SKIL: variants seen among roughly 807,000 people sequenced by gnomAD.
SKIL encodes the protein SKI like proto-oncogene.
A neutral mutation model predicts 69.6 loss-of-function variants in SKIL; 20 were observed. That is an observed-to-expected ratio of 0.29 (90% CI 0.20 to 0.42). The LOEUF is 0.42. Ranked by LOEUF, SKIL falls within the 10% of genes least tolerant of loss-of-function variation. The pLI, the probability that SKIL is intolerant of heterozygous loss-of-function variation, is 1.00. For synonymous variants in SKIL, 310 were observed against 279.9 expected, an observed-to-expected ratio of 1.11 and a Z score of -1.08; for missense variants, 745 against 783.1, an observed-to-expected ratio of 0.95 and a Z score of 0.58.
At chr3:170,376,910 A>C (rs924792724) in intron 2 of SKIL, among the ~76,000 whole-genome samples, 1 of 152,106 alleles carries the variant, frequency 6.6e-6, no homozygotes, top group African/African-American at 2.4e-5. Context: ...TAATTACCAT[A>C]CTTTGTTGAA....
chr3:170,390,564 G>T (rs981910150), intron 5 of SKIL, 100 bp downstream of exon 5: 4 of 884,242 alleles, frequency 4.5e-6, no homozygotes, highest in Admixed American at 2.4e-5. Flanking sequence ...TCAGCTCACT[G>T]AAACCTCCAC....
chr3:170,386,923 A>G (rs894050461), intron 4 of SKIL, among the ~76,000 whole-genome samples: 3 of 152,198 alleles, frequency 2.0e-5, no homozygotes, highest in African/African-American at 7.2e-5. Flanking sequence ...ATATACCATA[A>G]AATTTACCCT....
rs1329251744 is a variant in SKIL at position 170,392,521 on chromosome 3, T to C, written c.*104T>C. ...AAGAATTTATCTGCATGACGATAAC[T>C]AGGCATTCTATCCATTTGTAGATCA... On this transcript the variant is annotated 3_prime_UTR_variant, in exon 7 of 7. Coordinates refer to ENST00000259119, the MANE Select transcript of SKIL (RefSeq NM_005414.5). The C allele has an allele frequency of 6.4e-6, 4 of 626,096 alleles. No individual in the cohort carries two copies. The highest frequency in any genetic ancestry group is 1.1e-5 in the Non-Finnish European group (4 of 368,446). 38.8% of individuals were successfully genotyped at this position (626,096 alleles called of 1,614,324 possible).
intron 2 of SKIL, among the ~76,000 whole-genome samples, chr3:170,379,359 G>A (rs561059585): frequency 2.0e-5 from 3 of 152,006 alleles, no homozygotes; most frequent in East Asian, 3.9e-4. Context: ...GTTCCTAATC[G>A]CATTCTCCCT....
rs763766901 is a variant in SKIL at position 170,384,623 on chromosome 3, G to A, written c.1287G>A (p.Glu429=). The A allele has an allele frequency of 1.2e-6, 2 of 1,612,906 alleles. No homozygotes were observed. The highest frequency in any genetic ancestry group is 1.7e-5 in the Admixed American group (1 of 59,982). ...VSQSKELTKT[E]ASKSISRQSE... ...AGTCTAAAGAGCTCACAAAGACAGAGGCAAGTAAGTCCATATCAAGACAGT... is the reference window on the plus strand; with the variant it reads ...AGTCTAAAGAGCTCACAAAGACAGAAGCAAGTAAGTCCATATCAAGACAGT... The change falls in exon 4 of 7, where the codon GAG becomes GAA. Residue 429 remains glutamate (E), a synonymous_variant. Coordinates refer to ENST00000259119, the MANE Select transcript of SKIL (RefSeq NM_005414.5).
chr3:170,388,633 A>T (rs1319620496), intron 4 of SKIL, among the ~76,000 whole-genome samples: 3 of 151,888 alleles, frequency 2.0e-5, no homozygotes, highest in African/African-American at 7.3e-5. Flanking sequence ...GGGTTTTGCC[A>T]TGTTGAGGCT....
chr3:170,363,924 A>G (rs1301640925), intron 2 of SKIL, among the ~76,000 whole-genome samples: 1 of 151,936 alleles, frequency 6.6e-6, no homozygotes, highest in Non-Finnish European at 1.5e-5. Flanking sequence ...GATATTTGTG[A>G]TATCTTGCCC....
chr3:170,377,542 CTTTTTTTTTT>C (rs749615295), intron 2 of SKIL, among the ~76,000 whole-genome samples: 1,532 of 77,378 alleles, frequency 0.02, 16 homozygotes, highest in Non-Finnish European at 0.028. Context: ...CTCAATAATT[CTTTTTTTTTT>C]TTTTTTTTTT....
intron 2 of SKIL, among the ~76,000 whole-genome samples, chr3:170,379,734 C>T (rs1432505406): frequency 6.6e-6 from 1 of 152,128 alleles, no homozygotes; most frequent in Non-Finnish European, 1.5e-5. Flanking sequence ...CCCTCCATCT[C>T]CTGGGTTCAA....
Position 170,381,239 on chromosome 3 carries a change from T to G in SKIL, c.1099-5T>G. ...TAAATGTTTCCCTTCCATGTTTTTC[T>G]GCAGACAGATGCACCATCAGGAATG... On this transcript the variant is annotated splice_polypyrimidine_tract_variant and splice_region_variant and intron_variant, in intron 2 of 6. Transcript: ENST00000259119. The G allele has an allele frequency of 6.7e-7, 1 of 1,496,448 alleles. No homozygotes were observed. The highest frequency in any genetic ancestry group is 9.3e-7 in the Non-Finnish European group (1 of 1,073,044). The allele number at this position is 1,496,448 out of a possible 1,614,324, so 92.7% of individuals were successfully genotyped here.
In SKIL at chr3:170,360,761, C is replaced by T; in HGVS notation, c.430C>T (p.Leu144Phe). The T allele has an allele frequency of 6.2e-7, 1 of 1,614,160 alleles. No homozygotes were observed. The highest frequency in any genetic ancestry group is 8.5e-7 in the Non-Finnish European group (1 of 1,180,014). Residue 144 changes from leucine (L) to phenylalanine (F), a missense_variant, in exon 2 of 7, where the codon CTC becomes TTC. By Grantham distance (22) the Leu-to-Phe change is conservative. Transcript: ENST00000259119. ...CATCCCTTCAGATAGCTCCACAGAA[C>T]TCACTCAGACTGTGTTGGAAGGGGA... ...LLIPSDSSTE[L>F]TQTVLEGESI... is the part of the protein sequence containing the mutation.
intron 2 of SKIL, among the ~76,000 whole-genome samples, chr3:170,363,089 T>C (rs574770271): frequency 6.6e-6 from 1 of 152,198 alleles, no homozygotes; most frequent in East Asian, 1.9e-4. Flanking sequence ...TATAATTTTA[T>C]TTAATTCTTA....
rs1421994543 is a variant in SKIL at position 170,396,327 on chromosome 3, C to G, written c.*3910C>G. The G allele has an allele frequency of 1.3e-5, 2 of 152,066 alleles. No homozygotes were observed. Among genetic ancestry groups the G allele is most frequent in the Admixed American group, 1.3e-4 (2 of 15,248 alleles). 9.4% of individuals were successfully genotyped at this position (152,066 alleles called of 1,614,324 possible). A position where few individuals can be genotyped will look rare whatever the true frequency, so the allele number is the denominator to read the frequency against. ...AAAACAGTTGCTAAATGTAGGACAT[C>G]TTTTGAGGAATTAGTTTATGAGAAA... On this transcript the variant is annotated 3_prime_UTR_variant, in exon 7 of 7. Transcript: ENST00000259119.
intron 2 of SKIL, among the ~76,000 whole-genome samples, chr3:170,367,507 C>G (rs1306497896): frequency 6.6e-6 from 1 of 150,702 alleles, no homozygotes; most frequent in East Asian, 1.9e-4. Flanking sequence ...GCCCTTGTTG[C>G]CCAGGCTGGA....
In SKIL at chr3:170,360,181, A is replaced by C. The variant is rs1163968078; in HGVS notation, c.-151A>C. 1 of 748,084 alleles carries C rather than the reference A, an allele frequency of 1.3e-6. No homozygotes were observed. Among genetic ancestry groups the C allele is most frequent in the Non-Finnish European group, 2.1e-6 (1 of 473,276 alleles). The allele number at this position is 748,084 out of a possible 1,614,324, so 46.3% of individuals were successfully genotyped here. A position where few individuals can be genotyped will look rare whatever the true frequency, so the allele number is the denominator to read the frequency against. ...ATAAGGAGAACCAAAACTAAGTCGC[A>C]AAATTTATTAATTTAAGGGGCTCTC... On this transcript the variant is annotated 5_prime_UTR_variant, in exon 2 of 7. Transcript: ENST00000259119.
chr3:170,379,687 A>C (rs1256568628), intron 2 of SKIL, among the ~76,000 whole-genome samples: 2 of 152,056 alleles, frequency 1.3e-5, no homozygotes, highest in African/African-American at 4.8e-5. Flanking sequence ...TCTGTTGCCC[A>C]GGCTGGAGTG....
At chr3:170,377,229 T>A (rs1737072071) in intron 2 of SKIL, among the ~76,000 whole-genome samples, 2 of 151,938 alleles carry the variant, frequency 1.3e-5, no homozygotes. Flanking sequence ...ATGTGATGTT[T>A]CGTTTTCTGT....
chr3:170,389,716 T>G (rs977002929), intron 4 of SKIL, among the ~76,000 whole-genome samples: 1 of 152,222 alleles, frequency 6.6e-6, no homozygotes, highest in African/African-American at 2.4e-5. Flanking sequence ...CTGAATTCTG[T>G]TCTACTGATC....
intron 2 of SKIL, among the ~76,000 whole-genome samples, chr3:170,379,051 A>G (rs1023673133): frequency 6.7e-6 from 1 of 149,952 alleles, no homozygotes. Context: ...TAATTTTTGT[A>G]TTTTTAGTAG....
Sources: gnomAD v4.1 joint callset for allele counts (sites outside exome capture counted in the v4.1 genomes callset) on GRCh38, gnomAD v4.1.1 for gene constraint, MANE v1.5 for transcripts, NCBI Gene and HGNC (gene_info 2026-07-23, HGNC 2026-07-21) for gene names.